Variants in CDK19 observed in about 807,000 individuals in gnomAD.
The protein encoded by CDK19 is cyclin dependent kinase 19.
Under a neutral mutation model 68.3 loss-of-function variants are expected in CDK19, and 20 were observed. The ratio of observed to expected loss-of-function variants is 0.29; its 90% CI spans 0.21 to 0.43. The LOEUF (loss-of-function observed/expected upper bound fraction) is 0.43, where lower values mean the gene tolerates loss of function less well. CDK19 is among the 20% of genes least tolerant of loss of function. The pLI is 1.00. For missense variants in CDK19, 339 were observed against 623.5 expected (o/e 0.54, Z 4.86); for synonymous variants, 221 against 222.8 (o/e 0.99, Z 0.07).
At chr6:110,743,162 A>G (rs2114861409) in intron 2 of CDK19, among the ~76,000 whole-genome samples, 1 of 152,270 alleles carries the variant, frequency 6.6e-6, no homozygotes, top group East Asian at 1.9e-4. Flanking sequence ...AATAATTATA[A>G]AATTGTGTTA....
chr6:110,744,586 T>C lies in CDK19; in HGVS notation c.204+1540A>G, dbSNP rs181077981. Reference sequence around the variant, plus strand: ...CAAACTTAGAATTGTGGACCACTGGTAGAATTTTTTCATTCTGTTCATTCA... The same window carrying C: ...CAAACTTAGAATTGTGGACCACTGGCAGAATTTTTTCATTCTGTTCATTCA... On this transcript the variant is annotated intron_variant, in intron 2 of 12. Coordinates refer to ENST00000368911, the MANE Select transcript of CDK19 (RefSeq NM_015076.5). 1.3e-4 allele frequency among the ~76,000 whole-genome samples: 20 copies of C among 152,164 alleles called. No homozygotes were observed. The South Asian group carries it at 2.1e-3, about 16-fold the overall frequency.
chr6:110,814,646 C>T, intron 1 of CDK19: 1 of 491,134 alleles, frequency 2.0e-6, no homozygotes, highest in Non-Finnish European at 4.0e-6. Flanking sequence ...GCGGCAACTC[C>T]GCAGCGGAGC....
At chr6:110,786,380 C>G (rs1089644) in intron 1 of CDK19, among the ~76,000 whole-genome samples, 23,777 of 152,062 alleles carry the variant, frequency 0.16, 2,075 homozygotes, top group East Asian at 0.32. Context: ...CCCCCAATTT[C>G]CTTCATGATT....
At chr6:110,664,479 T>C (rs1781800682) in intron 4 of CDK19, among the ~76,000 whole-genome samples, 1 of 152,196 alleles carries the variant, frequency 6.6e-6, no homozygotes, top group Admixed American at 6.5e-5. Context: ...GTGTTTGACA[T>C]GGTCATATTT....
At chr6:110,766,102 T>C (rs1382243628) in intron 1 of CDK19, among the ~76,000 whole-genome samples, 1 of 152,176 alleles carries the variant, frequency 6.6e-6, no homozygotes, top group African/African-American at 2.4e-5. Flanking sequence ...ACTTGGTATA[T>C]ACCCAAAGGA....
In CDK19 at chr6:110,657,479, A is replaced by G. The variant is rs572843825; in HGVS notation, c.456+9955T>C. Among the ~76,000 whole-genome samples, 19 of 152,302 alleles carry G rather than the reference A, an allele frequency of 1.2e-4. No individual in the cohort carries two copies. In the South Asian group the frequency reaches 3.7e-3, roughly 30 times the overall value. On this transcript the variant is annotated intron_variant, in intron 4 of 12. Transcript: ENST00000368911. ...CCCAGGTATATATTTATCAAAACTC[A>G]TCAATTTGTAATTAAAATGGGTATA...
intron 1 of CDK19, among the ~76,000 whole-genome samples, chr6:110,779,060 C>T (rs1301528375): frequency 1.3e-5 from 2 of 152,130 alleles, no homozygotes; most frequent in Non-Finnish European, 2.9e-5. Flanking sequence ...GAACCTAAAT[C>T]TAATATACCC....
chr6:110,671,538 C>T (rs895341501), intron 2 of CDK19, among the ~76,000 whole-genome samples: 2 of 152,156 alleles, frequency 1.3e-5, no homozygotes, highest in Admixed American at 1.3e-4. Flanking sequence ...ATCTTTAGAA[C>T]AATTTTATGA....
intron 4 of CDK19, among the ~76,000 whole-genome samples, chr6:110,659,276 T>A (rs1358608003): frequency 1.3e-5 from 2 of 152,372 alleles, no homozygotes; most frequent in South Asian, 2.1e-4. Context: ...CACTTATTTT[T>A]AATCAAATGT....
chr6:110,765,819 GAT>G (rs1032172202), intron 1 of CDK19, among the ~76,000 whole-genome samples: 2 of 151,958 alleles, frequency 1.3e-5, no homozygotes, highest in Non-Finnish European at 2.9e-5. Context: ...CTCAAGGAAA[GAT>G]ATACAAATGA....
At chr6:110,807,331 T>C (rs563412422) in intron 1 of CDK19, among the ~76,000 whole-genome samples, 4 of 152,248 alleles carry the variant, frequency 2.6e-5, no homozygotes, top group African/African-American at 9.6e-5. Flanking sequence ...TTTAATGACA[T>C]CTTTAAGTTA....
In CDK19 at chr6:110,670,588, G is replaced by A. The variant is rs563233801; in HGVS notation, c.205-47C>T. 81 of 1,104,458 alleles carry A rather than the reference G, an allele frequency of 7.3e-5. No individual in the cohort carries two copies. In the East Asian group the frequency reaches 1.8e-3, roughly 25 times the overall value. The allele number at this position is 1,104,458 out of a possible 1,614,324, so 68.4% of individuals were successfully genotyped here. On this transcript the variant is annotated intron_variant, in intron 2 of 12. Coordinates refer to ENST00000368911, the MANE Select transcript of CDK19 (RefSeq NM_015076.5). ...GGGTCACTGTTGTGTTAGCAAGGAGGGGGAAATGATGAATGTCTTATAACT... is the reference window on the plus strand; with the variant it reads ...GGGTCACTGTTGTGTTAGCAAGGAGAGGGAAATGATGAATGTCTTATAACT...
intron 4 of CDK19, among the ~76,000 whole-genome samples, chr6:110,642,330 G>C (rs1454989103): frequency 6.9e-6 from 1 of 144,852 alleles, no homozygotes; most frequent in East Asian, 2.2e-4. Context: ...AAAAAAAAAA[G>C]GGTTCAAGAC....
At chr6:110,766,681 A>G (rs901029547) in intron 1 of CDK19, among the ~76,000 whole-genome samples, 12 of 152,058 alleles carry the variant, frequency 7.9e-5, no homozygotes, top group African/African-American at 2.9e-4. Flanking sequence ...CAAATACCAC[A>G]TTTTCACTTA....
chr6:110,763,182 T>C (rs996015141), intron 1 of CDK19, among the ~76,000 whole-genome samples: 1 of 152,204 alleles, frequency 6.6e-6, no homozygotes. Flanking sequence ...AAAACTTTTA[T>C]GACCATCCAT....
intron 2 of CDK19, among the ~76,000 whole-genome samples, chr6:110,704,771 C>T (rs770944439): frequency 5.9e-5 from 9 of 152,132 alleles, no homozygotes; most frequent in Non-Finnish European, 8.8e-5. Context: ...GTAATCTACA[C>T]GTGCCCCAGG....
chr6:110,806,915 T>C (rs1033726330), intron 1 of CDK19, among the ~76,000 whole-genome samples: 5 of 151,942 alleles, frequency 3.3e-5, no homozygotes, highest in Non-Finnish European at 5.9e-5. Flanking sequence ...GAGGTGGTGG[T>C]TGCAGTGAGC....
At chr6:110,627,354 G>GTGTA (rs1554193165) in intron 6 of CDK19, among the ~76,000 whole-genome samples, 12 of 151,246 alleles carry the variant, frequency 7.9e-5, no homozygotes, top group African/African-American at 2.9e-4. Context: ...GTGTGTATGT[G>GTGTA]TATATATATA....
At chr6:110,648,829 T>C (rs1389119405) in intron 4 of CDK19, among the ~76,000 whole-genome samples, 6 of 152,172 alleles carry the variant, frequency 3.9e-5, no homozygotes, top group Admixed American at 3.9e-4. Flanking sequence ...GCCATTCTCC[T>C]GCTTCAGCCT....
Sources: gnomAD v4.1 joint callset for allele counts (sites outside exome capture counted in the v4.1 genomes callset) on GRCh38, gnomAD v4.1.1 for gene constraint, MANE v1.5 for transcripts, NCBI Gene and HGNC (gene_info 2026-07-23, HGNC 2026-07-21) for gene names.